NLRP12: variants seen among roughly 807,000 people sequenced by gnomAD.
NLRP12 encodes the protein NLR family pyrin domain containing 12, also known as NACHT, LRR and PYD domains-containing protein 12.
A neutral mutation model predicts 91.2 loss-of-function variants in NLRP12; 108 were observed. The observed-to-expected ratio is 1.18, with a 90% CI of 1.01 to 1.39. NLRP12 has a LOEUF of 1.39. NLRP12 is among the 40% of genes most tolerant of loss of function. The pLI, the probability that NLRP12 is intolerant of heterozygous loss-of-function variation, is 0.00. For synonymous variants in NLRP12, 613 were observed against 566.7 expected (o/e 1.08, Z -1.16); for missense variants, 1,530 against 1,352.7 (o/e 1.13, Z -2.06).
At position 53,824,303 on chromosome 19, in the gene NLRP12, G is replaced by A. The variant is rs2092310743; in HGVS notation, c.-129C>T. On this transcript the variant is annotated 5_prime_UTR_variant, in exon 1 of 10. Coordinates refer to ENST00000324134, the MANE Select transcript of NLRP12 (RefSeq NM_144687.4). ...CAGCGGGCGGAGAGGCTGAGCCAGTGGTTGGAGGAGAGAGCAAGGGAGGAA... is the reference window on the plus strand; with the variant it reads ...CAGCGGGCGGAGAGGCTGAGCCAGTAGTTGGAGGAGAGAGCAAGGGAGGAA... 2 of 942,710 alleles carry A rather than the reference G, an allele frequency of 2.1e-6. No homozygotes were observed. Among genetic ancestry groups the A allele is most frequent in the South Asian group, 1.4e-5 (1 of 72,844 alleles). 58.4% of individuals were successfully genotyped at this position (942,710 alleles called of 1,614,324 possible).
chr19:53,822,589 T>C (rs984480573), intron 1 of NLRP12, among the ~76,000 whole-genome samples: 1 of 151,712 alleles, frequency 6.6e-6, no homozygotes, highest in African/African-American at 2.4e-5. Context: ...ATACAAAAAA[T>C]TAGCCAGGCA....
chr19:53,823,748 C>T (rs1244881659), intron 1 of NLRP12, 138 bp downstream of exon 1: 3 of 971,594 alleles, frequency 3.1e-6, no homozygotes, highest in African/African-American at 1.6e-5. Context: ...CAGAGCCTCA[C>T]TATGTTGTCC....
At chr19:53,813,311 TTTTTTTTTTG>T (rs2092108747) in intron 2 of NLRP12, among the ~76,000 whole-genome samples, 1 of 138,566 alleles carries the variant, frequency 7.2e-6, no homozygotes, top group Admixed American at 7.2e-5. Flanking sequence ...TTTTTTTTTT[TTTTTTTTTTG>T]AGACAGAGTC....
intron 7 of NLRP12, among the ~76,000 whole-genome samples, chr19:53,800,241 C>A (rs778557667): frequency 6.6e-6 from 1 of 152,018 alleles, no homozygotes; most frequent in Admixed American, 6.6e-5. Flanking sequence ...GGAGGTGGAG[C>A]TCGCAGTAAG....
intron 9 of NLRP12, 120 bp from the exon 10 acceptor site, chr19:53,794,256 C>A (rs577137854): frequency 1.3e-6 from 1 of 772,670 alleles, no homozygotes; most frequent in Non-Finnish European, 2.3e-6. Flanking sequence ...AGAAATTCCA[C>A]CCAACGCTGC....
intron 2 of NLRP12, among the ~76,000 whole-genome samples, chr19:53,813,441 A>G (rs887103728): frequency 2.7e-5 from 4 of 150,560 alleles, no homozygotes; most frequent in African/African-American, 9.8e-5. Context: ...AGCTCAGACT[A>G]CAGGTGCCTG....
chr19:53,815,591 C>G (rs1274094908), intron 1 of NLRP12, among the ~76,000 whole-genome samples: 1 of 150,804 alleles, frequency 6.6e-6, no homozygotes, highest in Non-Finnish European at 1.5e-5. Context: ...CAGCTCTGGG[C>G]CACATCTCAT....
rs1359053267 is a variant in NLRP12 at position 53,819,628 on chromosome 19, C to CAT, written c.289+4257_289+4258insAT. Among the ~76,000 whole-genome samples, 19 of 26,368 alleles carry CAT rather than the reference C, an allele frequency of 7.2e-4. 2 individuals are homozygous for CAT. Among genetic ancestry groups the CAT allele is most frequent in the African/African-American group, 1.5e-3 (16 of 10,606 alleles). 17.3% of individuals were successfully genotyped at this position (26,368 alleles called of 152,430 possible). Reference sequence around the variant, plus strand: ...ATATATGTATGTATACGTATATACGCGTATATATGTATGTATACGTATATA... The same window carrying CAT: ...ATATATGTATGTATACGTATATACGCATGTATATATGTATGTATACGTATATA... On this transcript the variant is annotated intron_variant, in intron 1 of 9. Transcript: ENST00000324134.
At chr19:53,796,946 C>T (rs1224773207) in intron 8 of NLRP12, among the ~76,000 whole-genome samples, 4 of 143,642 alleles carry the variant, frequency 2.8e-5, no homozygotes, top group Non-Finnish European at 4.6e-5. Context: ...GAGCCAAGAT[C>T]GTGCCACTGC....
At chr19:53,804,286 G>A (rs1568666535) in intron 5 of NLRP12, among the ~76,000 whole-genome samples, 164 bp from the exon 6 acceptor site, 1 of 151,902 alleles carries the variant, frequency 6.6e-6, no homozygotes, top group East Asian at 1.9e-4. Context: ...TCGACCTCCA[G>A]GCTCCCGTGA....
At chr19:53,798,877 G>A (rs376785178) in intron 7 of NLRP12, among the ~76,000 whole-genome samples, 1 of 152,084 alleles carries the variant, frequency 6.6e-6, no homozygotes, top group Non-Finnish European at 1.5e-5. Flanking sequence ...AAGTAGATGG[G>A]ATTACAGGCA....
chr19:53,814,809 C>T (rs1209613323), intron 2 of NLRP12, 99 bp downstream of exon 2: 4 of 933,228 alleles, frequency 4.3e-6, no homozygotes, highest in Non-Finnish European at 5.4e-6. Flanking sequence ...TAATCCACCC[C>T]ACGAATTCCT....
chr19:53,809,904 C>G lies in NLRP12; in HGVS notation c.1755G>C (p.Pro585=), dbSNP rs773652106. ...ACTGCAACAGGTCCATCTTGATGTG[C>G]GGCGAGACCTTCCAGCAGAGACTCT... ...LEKSLCWKVS[P]HIKMDLLQWI... Residue 585 remains proline (P), a synonymous_variant, in exon 3 of 10, where the codon CCG becomes CCC. Coordinates refer to ENST00000324134, the MANE Select transcript of NLRP12 (RefSeq NM_144687.4). 4.3e-6 allele frequency: 7 copies of G among 1,613,914 alleles called. No homozygotes were observed. The highest frequency in any genetic ancestry group is 1.3e-5 in the African/African-American group (1 of 74,924).
Position 53,803,944 on chromosome 19 carries a change from G to A in NLRP12, c.2585+8C>T. 1.9e-6 allele frequency: 3 copies of A among 1,613,370 alleles called. No homozygotes were observed. Among genetic ancestry groups the A allele is most frequent in the Non-Finnish European group, 2.5e-6 (3 of 1,179,360 alleles). On this transcript the variant is annotated splice_region_variant and intron_variant, in intron 6 of 9. Coordinates refer to ENST00000324134, the MANE Select transcript of NLRP12 (RefSeq NM_144687.4). ...ATTTTATTATAGTTGACCCCAGGAAGAACTCACCACAAAGTCCGTAGTCTG... is the reference window on the plus strand; with the variant it reads ...ATTTTATTATAGTTGACCCCAGGAAAAACTCACCACAAAGTCCGTAGTCTG...
intron 8 of NLRP12, among the ~76,000 whole-genome samples, chr19:53,797,328 T>A (rs1038598072): frequency 1.1e-4 from 17 of 152,126 alleles, no homozygotes; most frequent in Admixed American, 3.3e-4. Flanking sequence ...GATGGCCATG[T>A]TGGCCAGGCT....
Position 53,809,845 on chromosome 19 carries a change from G to T in NLRP12, c.1814C>A (p.Thr605Asn), listed in dbSNP as rs997344815. The change falls in exon 3 of 10, where the codon ACC (threonine) becomes AAC (asparagine). Residue 605 changes from threonine to asparagine, a missense_variant. Transcript: ENST00000324134. ...GAACTCCAAGGAGCCCTGCTGCAGGGTGGAGCCGTCGCTCTGAGCTTTGCT... is the reference window on the plus strand; with the variant it reads ...GAACTCCAAGGAGCCCTGCTGCAGGTTGGAGCCGTCGCTCTGAGCTTTGCT... ...IQSKAQSDGS[T>N]LQQGSLEFFS... The T allele has an allele frequency of 1.2e-6, 2 of 1,614,020 alleles. No homozygotes were observed. Among genetic ancestry groups the T allele is most frequent in the Non-Finnish European group, 1.7e-6 (2 of 1,180,040 alleles).
intron 2 of NLRP12, among the ~76,000 whole-genome samples, chr19:53,814,684 G>A (rs575389933): frequency 2.6e-5 from 4 of 152,260 alleles, no homozygotes; most frequent in Middle Eastern, 3.4e-3. Flanking sequence ...GCGTGTATGA[G>A]ATGGTTTGGT....
chr19:53,809,437 A>G (rs2092016390), intron 3 of NLRP12, 150 bp downstream of exon 3: 3 of 749,126 alleles, frequency 4.0e-6, no homozygotes, highest in Non-Finnish European at 6.4e-6. Context: ...AGGCTGAAGC[A>G]GGAGAATCTC....
At position 53,810,086 on chromosome 19, in the gene NLRP12, A is replaced by C; in HGVS notation, c.1573T>G (p.Tyr525Asp). ...LSFQEFFAAMYYILDEGEGGA... is the reference protein window; with the variant it reads ...LSFQEFFAAMDYILDEGEGGA... ...CCCTCCCCCTCGTCCAGGATATAGT[A>C]CATAGCTGCAAAGAATTCCTGGAAA... The change falls in exon 3 of 10, where the codon TAC becomes GAC. Residue 525 changes from tyrosine (Y) to aspartate (D), a missense_variant. Transcript: ENST00000324134. 6.2e-7 allele frequency: 1 copy of C among 1,614,154 alleles called. No individual in the cohort carries two copies. The highest frequency in any genetic ancestry group is 8.5e-7 in the Non-Finnish European group (1 of 1,180,022).
Sources: allele counts gnomAD v4.1 joint callset (sites outside exome capture counted in the v4.1 genomes callset), GRCh38; gene constraint gnomAD v4.1.1; transcripts MANE v1.5; gene names NCBI Gene and HGNC (gene_info 2026-07-23, HGNC 2026-07-21).